ZBTB8OS: variants seen among roughly 807,000 people sequenced by gnomAD.
ZBTB8OS encodes the protein tRNA splicing ligase complex subunit 1.
Under a neutral mutation model 29.3 loss-of-function variants are expected in ZBTB8OS, and 16 were observed. The observed-to-expected ratio is 0.55, with a 90% CI of 0.37 to 0.83. The LOEUF is 0.83. ZBTB8OS is among the 40% of genes least tolerant of loss of function. ZBTB8OS has a pLI of 0.00. For synonymous variants in ZBTB8OS, 70 were observed against 64.6 expected (o/e 1.08, Z -0.40); for missense variants, 160 against 196.9 (o/e 0.81, Z 1.12).
intron 6 of ZBTB8OS, among the ~76,000 whole-genome samples, chr1:32,625,983 C>T (rs533297180): frequency 6.6e-6 from 1 of 152,018 alleles, no homozygotes; most frequent in African/African-American, 2.4e-5. Flanking sequence ...AGCGATTCTC[C>T]TGCCTCAGCC....
chr1:32,644,015 C>T (rs145796621), intron 1 of ZBTB8OS, among the ~76,000 whole-genome samples: 1,598 of 151,738 alleles, frequency 0.011, 16 homozygotes, highest in Middle Eastern at 0.031. Flanking sequence ...CTCTCGGCCC[C>T]AAGGAAGGGG....
upstream of ZBTB8OS, chr1:32,650,893 T>C (rs1647461119): frequency 4.2e-6 from 2 of 474,862 alleles, no homozygotes; most frequent in Non-Finnish European, 7.5e-6. Context: ...CTCAGTACTC[T>C]GAAAGGGTCG....
chr1:32,650,352 AAG>A, intron 1 of ZBTB8OS, 79 bp downstream of exon 1: 1 of 1,571,956 alleles, frequency 6.4e-7, no homozygotes, highest in South Asian at 1.2e-5. Flanking sequence ...GCACAGTAGA[AAG>A]AGCAGCAGGA....
At chr1:32,634,455 G>C in intron 2 of ZBTB8OS, 3 of 417,962 alleles carry the variant, frequency 7.2e-6, no homozygotes, top group Non-Finnish European at 1.3e-5. Context: ...TCGAACTCCT[G>C]ACCTCATGAT....
At chr1:32,649,815 C>G (rs969677520) in intron 1 of ZBTB8OS, among the ~76,000 whole-genome samples, 3 of 152,084 alleles carry the variant, frequency 2.0e-5, no homozygotes, top group African/African-American at 7.2e-5. Flanking sequence ...CAGACATGCT[C>G]CACCACGCCC....
chr1:32,642,014 T>G (rs942575598), intron 1 of ZBTB8OS, among the ~76,000 whole-genome samples: 1 of 152,206 alleles, frequency 6.6e-6, no homozygotes, highest in Non-Finnish European at 1.5e-5. Flanking sequence ...GATTTTTTTT[T>G]ATCTTGCCCA....
chr1:32,642,144 A>G (rs1200609796), intron 1 of ZBTB8OS, among the ~76,000 whole-genome samples: 1 of 152,184 alleles, frequency 6.6e-6, no homozygotes, highest in Non-Finnish European at 1.5e-5. Context: ...GCATAAAATT[A>G]CAAGATACAA....
At position 32,644,231 on chromosome 1, in the gene ZBTB8OS, C is replaced by T. The variant is rs191933406; in HGVS notation, c.97+6202G>A. 1.6e-4 allele frequency among the ~76,000 whole-genome samples: 24 copies of T among 152,230 alleles called. No homozygotes were observed. In the East Asian group the frequency reaches 4.1e-3, roughly 26 times the overall value. On this transcript the variant is annotated intron_variant, in intron 1 of 6. Transcript: ENST00000468695. Reference sequence around the variant, plus strand: ...CAATCGGACGAATTCCTGGGAACTGCGGATATAGCTTGCCACAGTATCTTA... The same window carrying T: ...CAATCGGACGAATTCCTGGGAACTGTGGATATAGCTTGCCACAGTATCTTA...
chr1:32,634,075 A>C lies in ZBTB8OS; in HGVS notation c.123-3T>G. On this transcript the variant is annotated splice_polypyrimidine_tract_variant and splice_region_variant and intron_variant, in intron 2 of 6. Coordinates refer to ENST00000468695, the MANE Select transcript of ZBTB8OS (RefSeq NM_178547.5). ...GAGTATCTCCCCATGCGTGTAACCTAAAGAAGTATATTCATGCTCTGTGTA... is the reference window on the plus strand; with the variant it reads ...GAGTATCTCCCCATGCGTGTAACCTCAAGAAGTATATTCATGCTCTGTGTA... The C allele has an allele frequency of 6.4e-7, 1 of 1,551,050 alleles. No individual in the cohort carries two copies. Among genetic ancestry groups the C allele is most frequent in the Non-Finnish European group, 8.6e-7 (1 of 1,158,586 alleles).
chr1:32,650,588 TA>T, upstream of ZBTB8OS: 1 of 1,613,718 alleles, frequency 6.2e-7, no homozygotes, highest in South Asian at 1.1e-5. Flanking sequence ...GGCCCGGAGT[TA>T]CTACTTCCGC....
At chr1:32,627,573 A>G (rs1210608177) in intron 5 of ZBTB8OS, 29 bp from the exon 6 acceptor site, 1 of 1,604,052 alleles carries the variant, frequency 6.2e-7, no homozygotes. Flanking sequence ...AACATGATTA[A>G]GATTTGTTCT....
At chr1:32,642,021 C>T (rs1235610787) in intron 1 of ZBTB8OS, among the ~76,000 whole-genome samples, 2 of 151,964 alleles carry the variant, frequency 1.3e-5, no homozygotes, top group African/African-American at 4.8e-5. Flanking sequence ...TTTTATCTTG[C>T]CCAAATTCCT....
chr1:32,649,484 T>C (rs1293258236), intron 1 of ZBTB8OS, among the ~76,000 whole-genome samples: 1 of 152,062 alleles, frequency 6.6e-6, no homozygotes, highest in East Asian at 1.9e-4. Flanking sequence ...TAACGTTTAA[T>C]ATAGAATTTA....
intron 1 of ZBTB8OS, 71 bp from the exon 2 acceptor site, chr1:32,634,863 C>T: frequency 2.0e-6 from 2 of 1,025,230 alleles, no homozygotes; most frequent in Non-Finnish European, 3.1e-6. Flanking sequence ...CAAAATAACT[C>T]TAGTCCATTA....
At chr1:32,641,038 T>C (rs1409788920) in intron 1 of ZBTB8OS, among the ~76,000 whole-genome samples, 1 of 133,950 alleles carries the variant, frequency 7.5e-6, no homozygotes, top group Non-Finnish European at 1.6e-5. Flanking sequence ...CTGGGCATGG[T>C]GGTGGGGCCT....
At chr1:32,631,110 C>T (rs913921070) in intron 5 of ZBTB8OS, among the ~76,000 whole-genome samples, 1 of 151,884 alleles carries the variant, frequency 6.6e-6, no homozygotes, top group African/African-American at 2.4e-5. Flanking sequence ...TACCTCAGCA[C>T]TTTGGGAGGC....
chr1:32,634,631 T>A, intron 2 of ZBTB8OS, 137 bp downstream of exon 2: 1 of 1,131,652 alleles, frequency 8.8e-7, no homozygotes, highest in Non-Finnish European at 1.3e-6. Flanking sequence ...CAAAACTGAG[T>A]GCTTTCAAAC....
chr1:32,639,436 T>C (rs1646237512), intron 1 of ZBTB8OS, among the ~76,000 whole-genome samples: 1 of 152,078 alleles, frequency 6.6e-6, no homozygotes, highest in Non-Finnish European at 1.5e-5. Flanking sequence ...ATCCTGGCCT[T>C]GCATATTTTT....
intron 6 of ZBTB8OS, among the ~76,000 whole-genome samples, chr1:32,626,107 A>G (rs1645114351): frequency 6.6e-6 from 1 of 152,168 alleles, no homozygotes; most frequent in African/African-American, 2.4e-5. Flanking sequence ...TCCTGACTTC[A>G]GGTGATTCAC....
Sources: gnomAD v4.1 joint callset for allele counts (sites outside exome capture counted in the v4.1 genomes callset) on GRCh38, gnomAD v4.1.1 for gene constraint, MANE v1.5 for transcripts, NCBI Gene and HGNC (gene_info 2026-07-23, HGNC 2026-07-21) for gene names.